Variants in DDAH1 observed in about 807,000 individuals in gnomAD.
DDAH1 encodes N(G),N(G)-dimethylarginine dimethylaminohydrolase 1.
Under a neutral mutation model 28.8 loss-of-function variants are expected in DDAH1, and 19 were observed. That is an observed-to-expected ratio of 0.66 (90% CI 0.46 to 0.97). DDAH1 has a LOEUF of 0.97. Among genes scored for constraint, DDAH1 ranks in the 50% least tolerant of loss-of-function variants. DDAH1 has a pLI of 0.00. For synonymous variants in DDAH1, 153 were observed against 154.4 expected (o/e 0.99, Z 0.07); for missense variants, 326 against 375.9 (o/e 0.87, Z 1.10).
chr1:85,507,768 C>A (rs534502212), intron 1 of DDAH1, among the ~76,000 whole-genome samples: 1 of 152,170 alleles, frequency 6.6e-6, no homozygotes, highest in East Asian at 1.9e-4. Context: ...CTCTTTTAAC[C>A]TGGGACAGCT....
intron 1 of DDAH1, among the ~76,000 whole-genome samples, chr1:85,458,129 CT>C (rs1451321863): frequency 6.6e-6 from 1 of 152,186 alleles, no homozygotes; most frequent in African/African-American, 2.4e-5. Flanking sequence ...TGATATAGTC[CT>C]TTTAATTTGC....
chr1:85,336,012 T>TAAAAA (rs869274000), intron 4 of DDAH1, among the ~76,000 whole-genome samples: 5 of 125,936 alleles, frequency 4.0e-5, no homozygotes, highest in African/African-American at 1.4e-4. Context: ...TAAAATAAAA[T>TAAAAA]AAAAAACAAA....
chr1:85,472,185 A>AC (rs1480828769), intron 2 of DDAH1, among the ~76,000 whole-genome samples: 1 of 152,050 alleles, frequency 6.6e-6, no homozygotes, highest in East Asian at 1.9e-4. Flanking sequence ...AGATCATAAG[A>AC]CCCCCATTCC....
intron 1 of DDAH1, among the ~76,000 whole-genome samples, chr1:85,427,147 C>T (rs1022161306): frequency 3.9e-5 from 6 of 151,910 alleles, no homozygotes; most frequent in Non-Finnish European, 8.8e-5. Context: ...ACATCAGGTG[C>T]CTTCACATAT....
intron 4 of DDAH1, among the ~76,000 whole-genome samples, chr1:85,343,605 T>C (rs1648646418): frequency 6.6e-6 from 1 of 152,152 alleles, no homozygotes; most frequent in Admixed American, 6.5e-5. Flanking sequence ...AAGTGGAAAA[T>C]CTTGTGGCTA....
chr1:85,322,807 A>T (rs233120), intron 5 of DDAH1, among the ~76,000 whole-genome samples: 2 of 152,028 alleles, frequency 1.3e-5, no homozygotes, highest in Non-Finnish European at 2.9e-5. Flanking sequence ...TTGAGAGACA[A>T]ACGGCTGAAT....
chr1:85,358,615 C>T lies in DDAH1; in HGVS notation c.403+133G>A. 3 of 659,236 alleles carry T rather than the reference C, an allele frequency of 4.6e-6. No homozygotes were observed. The South Asian group carries it at 6.3e-5, about 14-fold the overall frequency. The allele number at this position is 659,236 out of a possible 1,614,324, so 40.8% of individuals were successfully genotyped here. A position where few individuals can be genotyped will look rare whatever the true frequency, so the allele number is the denominator to read the frequency against. ...AGCAAGCCAAGATGGCGCCACTGCACTCCGGCCTAGGTGACAGCGAGACTC... is the reference window on the plus strand; with the variant it reads ...AGCAAGCCAAGATGGCGCCACTGCATTCCGGCCTAGGTGACAGCGAGACTC... On this transcript the variant is annotated intron_variant, in intron 2 of 5. Coordinates refer to ENST00000284031, the MANE Select transcript of DDAH1 (RefSeq NM_012137.4).
At chr1:85,355,992 A>T (rs1649469559) in intron 2 of DDAH1, among the ~76,000 whole-genome samples, 1 of 152,238 alleles carries the variant, frequency 6.6e-6, no homozygotes, top group African/African-American at 2.4e-5. Flanking sequence ...AACTCAAAGA[A>T]CAACAAAGCA....
chr1:85,330,070 C>A (rs1182284811), intron 4 of DDAH1, among the ~76,000 whole-genome samples: 1 of 152,180 alleles, frequency 6.6e-6, no homozygotes, highest in East Asian at 1.9e-4. Context: ...AATAAGCTTA[C>A]CATTTATTTG....
At chr1:85,493,548 C>G (rs1439586253) in intron 2 of DDAH1, 1 of 152,082 alleles carries the variant, frequency 6.6e-6, no homozygotes, top group African/African-American at 2.4e-5. Flanking sequence ...GAGGTTGCTC[C>G]AATATTGAAC....
At position 85,338,624 on chromosome 1, in the gene DDAH1, A is replaced by G. The variant is rs185959023; in HGVS notation, c.597+11791T>C. ...GCATCAGAATCACGCCATGGTTCCC[A>G]GTCTTGCTGAATCAGAATTTCTAGC... On this transcript the variant is annotated intron_variant, in intron 4 of 5. Coordinates refer to ENST00000284031, the MANE Select transcript of DDAH1 (RefSeq NM_012137.4). Among the ~76,000 whole-genome samples, 4 of 152,320 alleles carry G rather than the reference A, an allele frequency of 2.6e-5. No individual in the cohort carries two copies. In the East Asian group the frequency reaches 7.7e-4, roughly 29 times the overall value.
chr1:85,369,194 G>T (rs1025590120), intron 1 of DDAH1, among the ~76,000 whole-genome samples: 21 of 150,656 alleles, frequency 1.4e-4, no homozygotes, highest in African/African-American at 5.1e-4. Flanking sequence ...CTGAGTAGCT[G>T]GGACTACAGG....
chr1:85,399,398 G>A (rs1651965953), intron 1 of DDAH1: 1 of 152,252 alleles, frequency 6.6e-6, no homozygotes, highest in South Asian at 2.1e-4. Flanking sequence ...ATGATAATAA[G>A]AGTAGCATTA....
rs549795019 is a variant in DDAH1, at chr1:85,438,435, G to A, written c.303+26308C>T. Among the ~76,000 whole-genome samples the A allele has an allele frequency of 1.2e-4, 18 of 152,264 alleles. No individual in the cohort carries two copies. The East Asian group carries it at 3.1e-3, about 26-fold the overall frequency. Reference sequence around the variant, plus strand: ...GTGAAATTTGCTCAAGAATGTAGAGGTTTAAAATCTATTTGCCATCTGAGA... The same window carrying A: ...GTGAAATTTGCTCAAGAATGTAGAGATTTAAAATCTATTTGCCATCTGAGA... On this transcript the variant is annotated intron_variant, in intron 1 of 5. Transcript: ENST00000284031.
At chr1:85,388,228 C>A (rs980008351) in intron 1 of DDAH1, among the ~76,000 whole-genome samples, 1 of 152,164 alleles carries the variant, frequency 6.6e-6, no homozygotes, top group Non-Finnish European at 1.5e-5. Flanking sequence ...TTGTGACTAT[C>A]TCATAGGGTT....
At chr1:85,520,544 T>C (rs1159103438) in intron 1 of DDAH1, among the ~76,000 whole-genome samples, 2 of 152,252 alleles carry the variant, frequency 1.3e-5, no homozygotes, top group African/African-American at 2.4e-5. Context: ...TAGACACTTA[T>C]ATGCAAAGTT....
chr1:85,463,166 T>C (rs1341351276), intron 1 of DDAH1, among the ~76,000 whole-genome samples: 2 of 152,180 alleles, frequency 1.3e-5, no homozygotes, highest in Non-Finnish European at 2.9e-5. Flanking sequence ...CAGGCTGATA[T>C]CAGAATTAAA....
chr1:85,352,476 A>C (rs1296397446), intron 2 of DDAH1, among the ~76,000 whole-genome samples: 3 of 152,214 alleles, frequency 2.0e-5, no homozygotes, highest in African/African-American at 7.2e-5. Context: ...TGTCGTAGGA[A>C]AGTGCTCAAT....
chr1:85,496,537 T>C (rs1656601877), intron 1 of DDAH1, among the ~76,000 whole-genome samples: 1 of 152,198 alleles, frequency 6.6e-6, no homozygotes. Flanking sequence ...GTTCTGTACA[T>C]AGAGTCGGTA....
Sources: allele counts gnomAD v4.1 joint callset (sites outside exome capture counted in the v4.1 genomes callset), GRCh38; gene constraint gnomAD v4.1.1; transcripts MANE v1.5; gene names NCBI Gene and HGNC (gene_info 2026-07-23, HGNC 2026-07-21).